ELAVL2: variants seen among roughly 807,000 people sequenced by gnomAD.
The protein encoded by ELAVL2 is ELAV like RNA binding protein 2.
ELAVL2 carries 4 observed loss-of-function variants against 34.6 expected under a neutral mutation model. The observed-to-expected ratio is 0.12, with a 90% CI of 0.06 to 0.26. ELAVL2 has a LOEUF of 0.26. Among genes scored for constraint, ELAVL2 ranks in the 10% least tolerant of loss-of-function variants. ELAVL2 has a pLI of 1.00. For synonymous variants in ELAVL2, 193 were observed against 154.8 expected, an observed-to-expected ratio of 1.25 and a Z score of -1.83; for missense variants, 432 against 442.8, an observed-to-expected ratio of 0.98 and a Z score of 0.22.
chr9:23,809,866 A>C (rs1486414200), intron 1 of ELAVL2, among the ~76,000 whole-genome samples: 1 of 152,202 alleles, frequency 6.6e-6, no homozygotes, highest in Non-Finnish European at 1.5e-5. Flanking sequence ...AGTTGGAGAA[A>C]TACTGAAAAC....
chr9:23,796,739 A>C (rs552972340), intron 1 of ELAVL2, among the ~76,000 whole-genome samples: 1 of 152,032 alleles, frequency 6.6e-6, no homozygotes, highest in Non-Finnish European at 1.5e-5. Flanking sequence ...TAGCTCTATA[A>C]TTTTTTTTCA....
intron 5 of ELAVL2, among the ~76,000 whole-genome samples, chr9:23,696,665 GT>G (rs2035355318): frequency 1.3e-5 from 2 of 151,964 alleles, no homozygotes; most frequent in South Asian, 4.2e-4. Flanking sequence ...TAGAGACGGG[GT>G]TTCACCATTT....
chr9:23,736,784 C>CA (rs2048004608), intron 2 of ELAVL2, among the ~76,000 whole-genome samples: 1 of 152,196 alleles, frequency 6.6e-6, no homozygotes, highest in South Asian at 2.1e-4. Context: ...CATCCTCCAC[C>CA]AAAACATTGT....
intron 2 of ELAVL2, among the ~76,000 whole-genome samples, chr9:23,733,061 G>A (rs992059919): frequency 1.3e-5 from 2 of 150,466 alleles, no homozygotes; most frequent in African/African-American, 2.4e-5. Flanking sequence ...AATTGTATCA[G>A]CATAGTCTAA....
chr9:23,713,745 T>C (rs999350697), intron 3 of ELAVL2, among the ~76,000 whole-genome samples: 10 of 152,268 alleles, frequency 6.6e-5, no homozygotes, highest in South Asian at 6.2e-4. Context: ...AAATATATTA[T>C]ACAAAGCAGA....
chr9:23,735,853 A>C (rs924148034), intron 2 of ELAVL2, among the ~76,000 whole-genome samples: 1 of 152,154 alleles, frequency 6.6e-6, no homozygotes, highest in Non-Finnish European at 1.5e-5. Flanking sequence ...GAAGAGGACC[A>C]AAGACTACTG....
intron 1 of ELAVL2, among the ~76,000 whole-genome samples, chr9:23,792,933 G>A (rs940432495): frequency 6.6e-6 from 1 of 151,852 alleles, no homozygotes; most frequent in African/African-American, 2.4e-5. Flanking sequence ...ACCACACCCA[G>A]TTATTTTTTA....
chr9:23,791,219 G>C (rs1588546592), intron 1 of ELAVL2, among the ~76,000 whole-genome samples: 1 of 152,166 alleles, frequency 6.6e-6, no homozygotes, highest in Non-Finnish European at 1.5e-5. Flanking sequence ...GAAATCTCCA[G>C]GTTGAAAACG....
intron 2 of ELAVL2, among the ~76,000 whole-genome samples, chr9:23,745,618 A>T (rs915464605): frequency 1.3e-5 from 2 of 152,222 alleles, no homozygotes; most frequent in Non-Finnish European, 2.9e-5. Context: ...AGACTGTCCA[A>T]AAACCTAATG....
At chr9:23,723,806 C>T (rs2044368649) in intron 3 of ELAVL2, among the ~76,000 whole-genome samples, 1 of 152,084 alleles carries the variant, frequency 6.6e-6, no homozygotes, top group Admixed American at 6.6e-5. Flanking sequence ...AGGGTTCTGC[C>T]TCAATGACTC....
chr9:23,807,383 TTCTACCCA>T (rs1423879520), intron 1 of ELAVL2, among the ~76,000 whole-genome samples: 1 of 152,160 alleles, frequency 6.6e-6, no homozygotes, highest in Non-Finnish European at 1.5e-5. Flanking sequence ...ATTTCCCATA[TTCTACCCA>T]TCTCTTACGA....
intron 3 of ELAVL2, among the ~76,000 whole-genome samples, chr9:23,720,041 G>A (rs1262012665): frequency 6.6e-6 from 1 of 151,920 alleles, no homozygotes; most frequent in Non-Finnish European, 1.5e-5. Flanking sequence ...TGTCCACGCT[G>A]ATCTCAAACT....
chr9:23,823,563 C>G (rs976501569), intron 1 of ELAVL2, among the ~76,000 whole-genome samples: 1 of 152,188 alleles, frequency 6.6e-6, no homozygotes, highest in Non-Finnish European at 1.5e-5. Flanking sequence ...CAGGCAATGA[C>G]AGCAATAAGT....
At chr9:23,759,754 T>C (rs1169549066) in intron 2 of ELAVL2, among the ~76,000 whole-genome samples, 1 of 81,344 alleles carries the variant, frequency 1.2e-5, no homozygotes, top group Non-Finnish European at 2.5e-5. Context: ...ATATATAGTA[T>C]TATATATATA....
At chr9:23,837,891 A>C in the ELAVL2 span, among the ~76,000 whole-genome samples, 1 of 152,294 alleles carries the variant, frequency 6.6e-6, no homozygotes, top group South Asian at 2.1e-4. Context: ...TGGATGATTT[A>C]TTCCTTTAAA....
chr9:23,803,093 A>T (rs2137725984), intron 1 of ELAVL2, among the ~76,000 whole-genome samples: 1 of 152,270 alleles, frequency 6.6e-6, no homozygotes, highest in Admixed American at 6.5e-5. Flanking sequence ...TTTAGCCCAT[A>T]TAGATAAACC....
chr9:23,767,939 A>C (rs2056618662), intron 1 of ELAVL2, among the ~76,000 whole-genome samples: 1 of 152,162 alleles, frequency 6.6e-6, no homozygotes, highest in Non-Finnish European at 1.5e-5. Flanking sequence ...GAAAGGGCCA[A>C]TACAATGACC....
rs1024705204 is a variant in ELAVL2, at chr9:23,692,302, A to G, written c.*255T>C. 5 of 382,418 alleles carry G rather than the reference A, an allele frequency of 1.3e-5. No individual in the cohort carries two copies. Among genetic ancestry groups the G allele is most frequent in the Non-Finnish European group, 2.3e-5 (5 of 214,148 alleles). The allele number at this position is 382,418 out of a possible 1,614,324, so 23.7% of individuals were successfully genotyped here. On this transcript the variant is annotated 3_prime_UTR_variant, in exon 7 of 7. Transcript: ENST00000397312. ...ACTTTAAAAGGTCCACCTTCTTCAA[A>G]GAAGGCAATAGAATGCAATGTGACA... is the stretch of plus-strand genomic sequence containing the variant.
At chr9:23,775,119 A>T (rs2057987116) in intron 1 of ELAVL2, among the ~76,000 whole-genome samples, 1 of 152,230 alleles carries the variant, frequency 6.6e-6, no homozygotes, top group Non-Finnish European at 1.5e-5. Flanking sequence ...AGAAGTTCAG[A>T]TGATCTCCCT....
Sources: allele counts gnomAD v4.1 joint callset (sites outside exome capture counted in the v4.1 genomes callset), GRCh38; gene constraint gnomAD v4.1.1; transcripts MANE v1.5; gene names NCBI Gene and HGNC (gene_info 2026-07-23, HGNC 2026-07-21).